The following SLC25A26 variants were observed in gnomAD, a reference collection of about 807,000 sequenced individuals.
SLC25A26 encodes the protein mitochondrial S-adenosylmethionine carrier protein.
Under a neutral mutation model 37.8 loss-of-function variants are expected in SLC25A26, and 36 were observed. The ratio of observed to expected loss-of-function variants is 0.95; its 90% CI spans 0.73 to 1.26. SLC25A26 has a LOEUF of 1.26. SLC25A26 is among the 50% of genes most tolerant of loss of function. SLC25A26 has a pLI of 0.00. For missense variants in SLC25A26, 390 were observed against 331.1 expected (o/e 1.18, Z -1.38); for synonymous variants, 129 against 122.5 (o/e 1.05, Z -0.35).
intron 1 of SLC25A26, among the ~76,000 whole-genome samples, chr3:66,164,931 A>G (rs2070405787): frequency 6.6e-6 from 1 of 152,202 alleles, no homozygotes; most frequent in Non-Finnish European, 1.5e-5. Flanking sequence ...GGATGCATGG[A>G]AGAAGCTGTG....
At chr3:66,247,281 G>GCA (rs1014191508) in intron 3 of SLC25A26, among the ~76,000 whole-genome samples, 2 of 150,720 alleles carry the variant, frequency 1.3e-5, no homozygotes, top group Admixed American at 6.6e-5. Flanking sequence ...ATATATATAT[G>GCA]CACACACACA....
rs905278666 is a variant in SLC25A26, at chr3:66,221,072, G to T, written c.-23G>T. The T allele has an allele frequency of 4.1e-5, 63 of 1,535,266 alleles. No homozygotes were observed. The highest frequency in any genetic ancestry group is 5.5e-5 in the African/African-American group (4 of 72,854). On this transcript the variant is annotated 5_prime_UTR_variant, in exon 1 of 10. It removes the in-frame stop codon of an upstream open reading frame in the 5' UTR. Coordinates refer to ENST00000354883, the MANE Select transcript of SLC25A26 (RefSeq NM_001379210.1). ...CGCTTCTGCTCCGGCTTGGATTGTA[G>T]CCTTGACGAGGTCTGAGCGACCATG...
At chr3:66,336,910 G>C (rs1423659029) in intron 5 of SLC25A26, among the ~76,000 whole-genome samples, 1 of 152,030 alleles carries the variant, frequency 6.6e-6, no homozygotes, top group Non-Finnish European at 1.5e-5. Flanking sequence ...AGCAAAAATT[G>C]TTCCTTTTTA....
At chr3:66,288,885 C>A (rs1050690446) in intron 5 of SLC25A26, among the ~76,000 whole-genome samples, 1 of 152,088 alleles carries the variant, frequency 6.6e-6, no homozygotes, top group African/African-American at 2.4e-5. Flanking sequence ...GGTTCTAGAT[C>A]CTTGAGGAAT....
intron 6 of SLC25A26, among the ~76,000 whole-genome samples, chr3:66,357,573 A>G (rs562618512): frequency 1.3e-5 from 2 of 152,122 alleles, no homozygotes; most frequent in Admixed American, 6.5e-5. Context: ...CTGCTTCTTC[A>G]CATTCGGGCC....
chr3:66,293,132 A>G (rs1222913785), intron 5 of SLC25A26: 1 of 151,994 alleles, frequency 6.6e-6, no homozygotes, highest in Non-Finnish European at 1.5e-5. Flanking sequence ...GGAAAGCTTC[A>G]CGAATTTGCA....
intron 9 of SLC25A26, 93 bp from the exon 10 acceptor site, chr3:66,377,597 G>C: frequency 1.1e-6 from 1 of 927,670 alleles, no homozygotes; most frequent in African/African-American, 1.6e-5. Flanking sequence ...CCACTAATGA[G>C]CATGGTGTAT....
At chr3:66,350,099 C>T (rs1459129972) in intron 6 of SLC25A26, among the ~76,000 whole-genome samples, 1 of 152,080 alleles carries the variant, frequency 6.6e-6, no homozygotes, top group Non-Finnish European at 1.5e-5. Flanking sequence ...CTTGAGTTTG[C>T]AGCTATAGAA....
At chr3:66,290,753 G>T (rs753445784) in intron 5 of SLC25A26, among the ~76,000 whole-genome samples, 2 of 152,046 alleles carry the variant, frequency 1.3e-5, no homozygotes, top group Admixed American at 1.3e-4. Flanking sequence ...CATGTTCATC[G>T]GGGTTATTGG....
chr3:66,175,136 T>C (rs1185053985), intron 1 of SLC25A26, among the ~76,000 whole-genome samples: 3 of 64,966 alleles, frequency 4.6e-5, no homozygotes, highest in African/African-American at 2.2e-4. Flanking sequence ...TATATATATA[T>C]ATATACACAC....
chr3:66,291,004 T>G (rs1006870152), intron 5 of SLC25A26, among the ~76,000 whole-genome samples: 2 of 152,186 alleles, frequency 1.3e-5, no homozygotes, highest in Non-Finnish European at 2.9e-5. Context: ...CTGTTATTGG[T>G]CTATTCAGAG....
chr3:66,197,012 G>A (rs1383074898), intron 1 of SLC25A26, among the ~76,000 whole-genome samples: 1 of 152,098 alleles, frequency 6.6e-6, no homozygotes, highest in Non-Finnish European at 1.5e-5. Flanking sequence ...TGGCTTATAT[G>A]TGGTCTTTTG....
intron 1 of SLC25A26, among the ~76,000 whole-genome samples, chr3:66,190,387 C>A (rs1483166034): frequency 1.3e-5 from 2 of 151,856 alleles, no homozygotes; most frequent in Non-Finnish European, 2.9e-5. Flanking sequence ...TGATTTGCCT[C>A]AGGTAAAGCA....
At chr3:66,319,884 G>C (rs2075648025) in intron 5 of SLC25A26, among the ~76,000 whole-genome samples, 1 of 150,032 alleles carries the variant, frequency 6.7e-6, no homozygotes, top group African/African-American at 2.5e-5. Context: ...CTCCTGAGTA[G>C]CTGGGATTAC....
intron 1 of SLC25A26, among the ~76,000 whole-genome samples, chr3:66,182,403 T>C (rs2070728220): frequency 6.6e-6 from 1 of 152,154 alleles, no homozygotes; most frequent in African/African-American, 2.4e-5. Context: ...GTAAGAGTTA[T>C]GGCAATTCCC....
At chr3:66,343,531 A>C (rs984421031) in intron 5 of SLC25A26, among the ~76,000 whole-genome samples, 1 of 152,216 alleles carries the variant, frequency 6.6e-6, no homozygotes, top group Admixed American at 6.5e-5. Flanking sequence ...TATTTCTTTA[A>C]ACTGAAGGAG....
intron 1 of SLC25A26, among the ~76,000 whole-genome samples, chr3:66,210,747 C>T (rs2071273967): frequency 6.6e-6 from 1 of 152,162 alleles, no homozygotes; most frequent in South Asian, 2.1e-4. Context: ...CTCTGGGGCT[C>T]AAGCAACCCT....
chr3:66,175,109 GTATATATA>G (rs769631849), intron 1 of SLC25A26, among the ~76,000 whole-genome samples: 33 of 97,308 alleles, frequency 3.4e-4, no homozygotes, highest in East Asian at 1.8e-3. Context: ...ATGTGTGTGT[GTATATATA>G]TATATATATA....
At chr3:66,299,849 A>G (rs1289942770) in intron 5 of SLC25A26, among the ~76,000 whole-genome samples, 1 of 152,190 alleles carries the variant, frequency 6.6e-6, no homozygotes, top group Non-Finnish European at 1.5e-5. Context: ...TATTTGCTTC[A>G]GTTTTTCAGG....
Sources: gnomAD v4.1 joint callset for allele counts (sites outside exome capture counted in the v4.1 genomes callset) on GRCh38, gnomAD v4.1.1 for gene constraint, MANE v1.5 for transcripts, NCBI Gene and HGNC (gene_info 2026-07-23, HGNC 2026-07-21) for gene names.